MARCHF1: variants seen among roughly 807,000 people sequenced by gnomAD.
The protein encoded by MARCHF1 is membrane associated ring-CH-type finger 1.
A neutral mutation model predicts 54.2 loss-of-function variants in MARCHF1; 40 were observed. That is an observed-to-expected ratio of 0.74 (90% confidence interval 0.57 to 0.96). The LOEUF (loss-of-function observed/expected upper bound fraction) is 0.96. MARCHF1 is among the 40% of genes least tolerant of loss of function. The pLI, the probability that MARCHF1 is intolerant of heterozygous loss-of-function variation, is 0.00. For synonymous variants in MARCHF1, 236 were observed against 236.3 expected (o/e 1.00, Z 0.01); for missense variants, 586 against 656.5 (o/e 0.89, Z 1.17).
At chr4:163,573,380 T>C (rs1285458899) in intron 8 of MARCHF1, among the ~76,000 whole-genome samples, 1 of 151,452 alleles carries the variant, frequency 6.6e-6, no homozygotes, top group Non-Finnish European at 1.5e-5. Context: ...GTTACACGTG[T>C]ATACATGTGA....
intron 5 of MARCHF1, among the ~76,000 whole-genome samples, chr4:163,641,046 A>G (rs868702805): frequency 3.1e-4 from 47 of 151,898 alleles, no homozygotes; most frequent in South Asian, 4.1e-4. Flanking sequence ...ATAAAACTTC[A>G]TTATCATGTC....
intron 7 of MARCHF1, among the ~76,000 whole-genome samples, chr4:163,592,240 G>T (rs1439819617): frequency 6.6e-6 from 1 of 152,044 alleles, no homozygotes; most frequent in Non-Finnish European, 1.5e-5. Context: ...TTTTACATGT[G>T]CAGACGAGTG....
chr4:163,573,802 A>AT (rs1256030064), intron 8 of MARCHF1, among the ~76,000 whole-genome samples: 2 of 152,002 alleles, frequency 1.3e-5, no homozygotes, highest in African/African-American at 4.8e-5. Context: ...TAGCAGCATG[A>AT]TTTATAGTCC....
chr4:163,743,640 G>A (rs1254774126), intron 4 of MARCHF1, among the ~76,000 whole-genome samples: 1 of 146,938 alleles, frequency 6.8e-6, no homozygotes, highest in Non-Finnish European at 1.5e-5. Flanking sequence ...GGGCAGTGGC[G>A]CGATCTGGGC....
intron 4 of MARCHF1, among the ~76,000 whole-genome samples, chr4:163,714,727 G>A (rs1305996742): frequency 2.0e-5 from 3 of 152,066 alleles, no homozygotes; most frequent in Non-Finnish European, 4.4e-5. Context: ...CACCCAGGCT[G>A]AGTGCAGTGC....
chr4:163,842,008 G>A (rs1399771896), intron 4 of MARCHF1, among the ~76,000 whole-genome samples: 9 of 151,966 alleles, frequency 5.9e-5, no homozygotes, highest in African/African-American at 1.5e-4. Context: ...ATAATTTAAC[G>A]GGCCATCAAC....
chr4:163,643,536 T>C (rs894291713), intron 5 of MARCHF1, among the ~76,000 whole-genome samples: 1 of 152,082 alleles, frequency 6.6e-6, no homozygotes, highest in Non-Finnish European at 1.5e-5. Flanking sequence ...TAATATTTTG[T>C]TCTTAAAAAT....
rs148948869 is a variant in MARCHF1, at chr4:164,320,959, A to G, written c.-323+62911T>C. ...TAGAGTCTCGGAATAGAGATCTTAT[A>G]CAGCTTTTCTCAGTTACAGATGGAG... On this transcript the variant is annotated intron_variant, in intron 1 of 9. Transcript: ENST00000514618. 6.4e-3 allele frequency among the ~76,000 whole-genome samples: 974 copies of G among 152,302 alleles called. 16 individuals carry two copies. Among genetic ancestry groups the G allele is most frequent in the African/African-American group, 0.022 (931 of 41,576 alleles).
chr4:163,929,955 T>TTATTA (rs1553963995), intron 3 of MARCHF1, among the ~76,000 whole-genome samples: 1 of 81,428 alleles, frequency 1.2e-5, no homozygotes, highest in African/African-American at 5.7e-5. Context: ...ATTATATATA[T>TTATTA]TATATATAAT....
intron 1 of MARCHF1, among the ~76,000 whole-genome samples, chr4:164,161,685 G>A (rs573388065): frequency 1.3e-5 from 2 of 152,208 alleles, no homozygotes; most frequent in African/African-American, 2.4e-5. Context: ...TCATAGTCTT[G>A]TGTAACTTAA....
At chr4:164,214,479 C>T (rs1179321217) in intron 1 of MARCHF1, among the ~76,000 whole-genome samples, 3 of 152,034 alleles carry the variant, frequency 2.0e-5, no homozygotes, top group African/African-American at 7.2e-5. Flanking sequence ...AAAAACCCTC[C>T]ACTTTTTAAA....
intron 1 of MARCHF1, among the ~76,000 whole-genome samples, chr4:164,182,952 T>A (rs1730873477): frequency 6.6e-6 from 1 of 152,074 alleles, no homozygotes; most frequent in African/African-American, 2.4e-5. Flanking sequence ...GACCAAGAGA[T>A]CAAAGTGTAA....
At position 163,528,818 on chromosome 4, in the gene MARCHF1, G is replaced by A; in HGVS notation, c.1568C>T (p.Pro523Leu). The A allele has an allele frequency of 6.2e-7, 1 of 1,613,314 alleles. No homozygotes were observed. Among genetic ancestry groups the A allele is most frequent in the Non-Finnish European group, 8.5e-7 (1 of 1,179,538 alleles). ...NTDIKDAVVVPVPQTGANSLP... is the reference protein window; with the variant it reads ...NTDIKDAVVVLVPQTGANSLP... ...TGAATTTGCACCTGTTTGTGGTACA[G>A]GCACTACCACAGCATCTTTGATGTC... Residue 523 changes from proline to leucine, a missense_variant, in exon 10 of 10, where the codon CCT (proline) becomes CTT (leucine). Physicochemically the swap from Pro to Leu is moderately conservative, Grantham distance 98. Around this residue, in one of 3 missense-constraint regions of MARCHF1, gnomAD observed 106 missense variants for 93.8 expected, o/e 1.13. Coordinates refer to ENST00000514618, the MANE Select transcript of MARCHF1 (RefSeq NM_001394959.1).
At chr4:164,001,042 C>A (rs1336498024) in intron 2 of MARCHF1, among the ~76,000 whole-genome samples, 2 of 151,766 alleles carry the variant, frequency 1.3e-5, no homozygotes, top group East Asian at 1.9e-4. Context: ...GACATTTAGA[C>A]AATATTAAAA....
intron 1 of MARCHF1, among the ~76,000 whole-genome samples, chr4:164,330,888 A>G (rs1735417805): frequency 6.6e-6 from 1 of 152,212 alleles, no homozygotes; most frequent in Non-Finnish European, 1.5e-5. Flanking sequence ...CAGATTTTTC[A>G]GTGGTAGCCC....
chr4:164,189,050 T>C (rs949955569), intron 1 of MARCHF1: 3 of 689,436 alleles, frequency 4.4e-6, no homozygotes, highest in African/African-American at 1.8e-5. Flanking sequence ...TTGTTCCACC[T>C]GGGTGGCAGA....
At chr4:164,285,277 C>A (rs1355794591) in intron 1 of MARCHF1, among the ~76,000 whole-genome samples, 1 of 151,988 alleles carries the variant, frequency 6.6e-6, no homozygotes, top group Non-Finnish European at 1.5e-5. Flanking sequence ...ATGTCTGTGG[C>A]CCCACTACTT....
intron 8 of MARCHF1, among the ~76,000 whole-genome samples, chr4:163,559,133 T>C (rs1013666639): frequency 6.6e-6 from 1 of 152,192 alleles, no homozygotes; most frequent in African/African-American, 2.4e-5. Context: ...TATGTCTCTT[T>C]CAACTTTTAT....
intron 1 of MARCHF1, among the ~76,000 whole-genome samples, chr4:164,128,542 G>GAA (rs11408213): frequency 2.6e-5 from 4 of 151,532 alleles, no homozygotes; most frequent in South Asian, 4.2e-4. Flanking sequence ...AACTCATAAT[G>GAA]AAAAAAAAGT....
Sources: allele counts gnomAD v4.1 joint callset (sites outside exome capture counted in the v4.1 genomes callset), GRCh38; gene constraint gnomAD v4.1.1; regional missense constraint gnomAD v4.1.1; transcripts MANE v1.5; gene names NCBI Gene and HGNC (gene_info 2026-07-23, HGNC 2026-07-21).